The following ELMO2 variants were observed in gnomAD, a reference collection of about 807,000 sequenced individuals.
ELMO2 encodes engulfment and cell motility 2, also known as engulfment and cell motility protein 2.
ELMO2 carries 37 observed loss-of-function variants against 96.2 expected under a neutral mutation model. The ratio of observed to expected loss-of-function variants is 0.38; its 90% CI spans 0.30 to 0.51. ELMO2 has a LOEUF of 0.51. Ranked by LOEUF, ELMO2 falls within the 20% of genes least tolerant of loss-of-function variation. The probability of loss-of-function intolerance (pLI) is 0.88; values close to 1 mark genes in which losing one functional copy is unlikely to be tolerated. For synonymous variants in ELMO2, 315 were observed against 329.4 expected, an observed-to-expected ratio of 0.96 and a Z score of 0.47; for missense variants, 561 against 912.6, an observed-to-expected ratio of 0.61 and a Z score of 4.96.
chr20:46,403,813 G>A lies in ELMO2; in HGVS notation c.-126+2735C>T, dbSNP rs140167866. On this transcript the variant is annotated intron_variant, in intron 1 of 21. Transcript: ENST00000290246. The stretch of plus-strand genomic sequence containing the variant: ...GAACTGGGGCTGTAGGCCGGGCGCC[G>A]TGGCTCACGCCTGTAATCTCAGAAC... Among the ~76,000 whole-genome samples the A allele has an allele frequency of 9.0e-3, 1,378 of 152,352 alleles. 10 individuals carry two copies. The highest frequency in any genetic ancestry group is 0.015 in the Non-Finnish European group (1,032 of 68,036).
intron 6 of ELMO2, 59 bp downstream of exon 6, chr20:46,393,034 G>A (rs2060178627): frequency 2.8e-6 from 4 of 1,450,910 alleles, no homozygotes; most frequent in African/African-American, 1.4e-5. Context: ...CTGGCCCATG[G>A]TAGGTGCTCA....
chr20:46,394,627 A>C (rs1174738792), intron 2 of ELMO2, 95 bp from the exon 3 acceptor site: 1 of 877,752 alleles, frequency 1.1e-6, no homozygotes, highest in Non-Finnish European at 1.8e-6. Flanking sequence ...GACACTGCAT[A>C]AAGTAACACA....
At chr20:46,388,915 C>T in intron 7 of ELMO2, 124 bp downstream of exon 7, 2 of 936,506 alleles carry the variant, frequency 2.1e-6, no homozygotes, top group Non-Finnish European at 3.2e-6. Context: ...GCTTGGCACA[C>T]TGCTCTGCAC....
intron 1 of ELMO2, among the ~76,000 whole-genome samples, chr20:46,404,079 CA>C (rs1367178388): frequency 6.6e-6 from 1 of 151,708 alleles, no homozygotes; most frequent in Non-Finnish European, 1.5e-5. Flanking sequence ...AGTAAAACTC[CA>C]TCTCAAAAAA....
At chr20:46,402,592 T>G (rs2060354408) in intron 1 of ELMO2, among the ~76,000 whole-genome samples, 1 of 152,186 alleles carries the variant, frequency 6.6e-6, no homozygotes, top group Non-Finnish European at 1.5e-5. Flanking sequence ...GAGTGTGGTG[T>G]GCTGGGAAGA....
At chr20:46,388,991 T>C (rs2060099307) in intron 7 of ELMO2, 48 bp downstream of exon 7, 1 of 1,573,118 alleles carries the variant, frequency 6.4e-7, no homozygotes, top group African/African-American at 1.3e-5. Context: ...CCCTGTGGGA[T>C]GTAGTAAATC....
At chr20:46,405,502 CG>C (rs2145870009) in intron 1 of ELMO2, among the ~76,000 whole-genome samples, 1 of 152,172 alleles carries the variant, frequency 6.6e-6, no homozygotes, top group East Asian at 1.9e-4. Context: ...TCAGCGGGAC[CG>C]GATCTCCAGG....
At chr20:46,372,094 C>G in intron 16 of ELMO2, 125 bp from the exon 17 acceptor site, 1 of 1,166,338 alleles carries the variant, frequency 8.6e-7, no homozygotes, top group Non-Finnish European at 1.2e-6. Context: ...CAGACATCTG[C>G]TGGGTGAGTA....
intron 11 of ELMO2, among the ~76,000 whole-genome samples, chr20:46,377,890 A>G (rs2059892350): frequency 6.6e-6 from 1 of 151,614 alleles, no homozygotes; most frequent in African/African-American, 2.4e-5. Context: ...AGTCTCTCTC[A>G]TGGCCAGGGG....
intron 2 of ELMO2, among the ~76,000 whole-genome samples, chr20:46,396,590 C>T (rs1334810801): frequency 6.6e-6 from 1 of 152,116 alleles, no homozygotes; most frequent in Non-Finnish European, 1.5e-5. Context: ...ATGAGTTTTG[C>T]CTGGTTTTGT....
intron 1 of ELMO2, among the ~76,000 whole-genome samples, chr20:46,404,730 AAAAACAAGAACGT>A (rs2060396675): frequency 6.6e-6 from 1 of 152,234 alleles, no homozygotes; most frequent in South Asian, 2.1e-4. Context: ...ACTTAGTACA[AAAAACAAGAACGT>A]AAAATATCCC....
chr20:46,393,462 T>G, intron 5 of ELMO2, 67 bp downstream of exon 5: 1 of 1,528,062 alleles, frequency 6.5e-7, no homozygotes, highest in Admixed American at 1.7e-5. Context: ...AGATAAATAG[T>G]GCCGTCTCCT....
chr20:46,378,595 C>T (rs189660635), intron 11 of ELMO2, among the ~76,000 whole-genome samples: 15 of 152,244 alleles, frequency 9.9e-5, no homozygotes, highest in Non-Finnish European at 1.6e-4. Flanking sequence ...CTGGGTGTGA[C>T]CAGGGAAGCA....
At chr20:46,377,915 C>T (rs1208657152) in intron 11 of ELMO2, among the ~76,000 whole-genome samples, 1 of 152,152 alleles carries the variant, frequency 6.6e-6, no homozygotes, top group Non-Finnish European at 1.5e-5. Context: ...TCCCTGCCAT[C>T]GCCACTTCTT....
At chr20:46,398,555 C>T (rs1409018696) in intron 2 of ELMO2, 142 bp downstream of exon 2, 3 of 152,198 alleles carry the variant, frequency 2.0e-5, no homozygotes, top group Non-Finnish European at 4.4e-5. Flanking sequence ...TCAGGTGATC[C>T]ATCTGCCTCG....
At chr20:46,404,402 A>C (rs962181194) in intron 1 of ELMO2, among the ~76,000 whole-genome samples, 1 of 152,172 alleles carries the variant, frequency 6.6e-6, no homozygotes, top group Admixed American at 6.5e-5. Context: ...GTACCCTCAA[A>C]CTTCCTTTGC....
At chr20:46,393,904 C>T in intron 4 of ELMO2, 145 bp downstream of exon 4, 1 of 1,147,740 alleles carries the variant, frequency 8.7e-7, no homozygotes, top group East Asian at 2.5e-5. Flanking sequence ...GTCAACTGTA[C>T]TTCCTTCCCA....
In ELMO2 at chr20:46,393,107, G is replaced by T; in HGVS notation, c.229C>A (p.Leu77Met). The T allele has an allele frequency of 6.2e-7, 1 of 1,614,086 alleles. No individual in the cohort carries two copies. Among genetic ancestry groups the T allele is most frequent in the South Asian group, 1.1e-5 (1 of 91,082 alleles). The part of the protein sequence containing the change: ...SDIKNGTILQ[L>M]AISPSRAARQ... The stretch of plus-strand genomic sequence containing the variant: ...AGAATACCTACCGGGGAGATAGCCA[G>T]TTGTAAGATTGTCCCATTCTTAATG... The change falls in exon 6 of 22, where the codon CTG (leucine) becomes ATG (methionine). Residue 77 changes from leucine (L) to methionine (M), a missense_variant. Physicochemically the swap from Leu to Met is conservative, Grantham distance 15. Coordinates refer to ENST00000290246, the MANE Select transcript of ELMO2 (RefSeq NM_133171.5).
In ELMO2 at chr20:46,383,465, A is replaced by G. The variant is rs761017231; in HGVS notation, c.707T>C (p.Ile236Thr). The G allele has an allele frequency of 2.1e-5, 34 of 1,614,096 alleles. No homozygotes were observed. Among genetic ancestry groups the G allele is most frequent in the Non-Finnish European group, 2.3e-5 (27 of 1,180,018 alleles). ...CAGAAAAAGTGCATTAATCAGTGCA[A>G]TGGCGTAGGTCTGAATCTCCTGGTT... ...VSNQEIQTYA[I>T]ALINALFLKA... The change falls in exon 10 of 22, where the codon ATT (isoleucine) becomes ACT (threonine). Residue 236 changes from isoleucine (I) to threonine (T), a missense_variant. By Grantham distance (89) the Ile-to-Thr change is moderately conservative. Transcript: ENST00000290246.
Sources: allele counts gnomAD v4.1 joint callset (sites outside exome capture counted in the v4.1 genomes callset), GRCh38; gene constraint gnomAD v4.1.1; transcripts MANE v1.5; gene names NCBI Gene and HGNC (gene_info 2026-07-23, HGNC 2026-07-21).